SEM1: variants seen among roughly 807,000 people sequenced by gnomAD.
SEM1 encodes 26S proteasome complex subunit SEM1.
In SEM1, 3 loss-of-function variants were observed where a neutral mutation model predicts 12.7. The observed-to-expected ratio is 0.24, with a 90% CI of 0.11 to 0.61. SEM1 has a LOEUF of 0.61. Among genes scored for constraint, SEM1 ranks in the 20% least tolerant of loss-of-function variants. SEM1 has a pLI of 0.88. For missense variants in SEM1, 59 were observed against 81.3 expected, an observed-to-expected ratio of 0.73 and a Z score of 1.06; for synonymous variants, 30 against 27.8, an observed-to-expected ratio of 1.08 and a Z score of -0.25.
chr7:96,631,953 A>G (rs1434856021), intron 2 of SEM1, among the ~76,000 whole-genome samples: 8 of 152,256 alleles, frequency 5.3e-5, no homozygotes. Flanking sequence ...ATATGAAAAA[A>G]TGCTCATCAT....
intron 2 of SEM1, among the ~76,000 whole-genome samples, chr7:96,624,404 G>A (rs1398341951): frequency 2.0e-5 from 3 of 152,188 alleles, no homozygotes; most frequent in Non-Finnish European, 4.4e-5. Flanking sequence ...CTCTTTTAGT[G>A]TAGTGGGTCA....
chr7:96,604,591 G>A (rs745591490), intron 2 of SEM1, among the ~76,000 whole-genome samples: 3 of 151,996 alleles, frequency 2.0e-5, no homozygotes, highest in African/African-American at 4.8e-5. Context: ...GTCATCTAGT[G>A]TATGGTGAAT....
chr7:96,637,633 A>T (rs1808469001), intron 2 of SEM1, among the ~76,000 whole-genome samples: 1 of 151,904 alleles, frequency 6.6e-6, no homozygotes. Flanking sequence ...GGCCCAGTTC[A>T]CTCTCAGTTT....
In SEM1 at chr7:96,573,588, A is replaced by T. The variant is rs181008191; in HGVS notation, c.171-66890T>A. Among the ~76,000 whole-genome samples the T allele has an allele frequency of 3.9e-3, 594 of 152,224 alleles. 3 individuals are homozygous for T. The highest frequency in any genetic ancestry group is 0.014 in the African/African-American group (562 of 41,546). ...ATTCTTTTCTTTAAGAATGTTGAAT[A>T]TTGGCCCCCCTCTCTTCTACCTTTT... On this transcript the variant is annotated intron_variant and NMD_transcript_variant, in intron 2 of 3. Coordinates refer to the SEM1 transcript ENST00000466986.
chr7:96,602,417 C>T (rs1277883417), intron 2 of SEM1, among the ~76,000 whole-genome samples: 8 of 152,162 alleles, frequency 5.3e-5, no homozygotes, highest in Admixed American at 5.2e-4. Context: ...CCCTGTACTA[C>T]CTCCACCCTC....
At chr7:96,596,824 C>T (rs952916349) in intron 2 of SEM1, among the ~76,000 whole-genome samples, 13 of 152,098 alleles carry the variant, frequency 8.5e-5, no homozygotes, top group African/African-American at 2.4e-4. Context: ...ATTTTTTAGC[C>T]ATCTGCTGAA....
intron 2 of SEM1, among the ~76,000 whole-genome samples, chr7:96,632,979 T>G (rs994292409): frequency 1.3e-5 from 2 of 151,754 alleles, no homozygotes; most frequent in Non-Finnish European, 2.9e-5. Context: ...TGGTGTAGAG[T>G]TTTTTTAATT....
chr7:96,482,659 T>C (rs1378842010), exon 4 of SEM1: 1 of 152,176 alleles, frequency 6.6e-6, no homozygotes, highest in Admixed American at 6.5e-5. Flanking sequence ...TCTTTAAACT[T>C]GGGGGCAAAT....
Position 96,649,828 on chromosome 7 carries a change from A to C in SEM1, c.171-27185T>G, listed in dbSNP as rs980605545. 7 of 152,184 alleles carry C rather than the reference A, an allele frequency of 4.6e-5. No individual in the cohort carries two copies. In the East Asian group the frequency reaches 1.3e-3, roughly 29 times the overall value. The allele number at this position is 152,184 out of a possible 1,614,324, so 9.4% of individuals were successfully genotyped here. The stretch of plus-strand genomic sequence containing the variant: ...ATAAATATTATTATTTCCCATTTTT[A>C]GATGAGGAAACCAAGAGTGAGAGAG... On this transcript the variant is annotated intron_variant, in intron 2 of 2. Transcript: ENST00000417009.
chr7:96,549,647 A>G (rs1414658423), intron 2 of SEM1, among the ~76,000 whole-genome samples: 2 of 152,234 alleles, frequency 1.3e-5, no homozygotes, highest in South Asian at 2.1e-4. Context: ...ACACTGCTCT[A>G]GGACCTGAGC....
At chr7:96,502,540 C>T (rs1803601341) in intron 3 of SEM1, among the ~76,000 whole-genome samples, 1 of 152,088 alleles carries the variant, frequency 6.6e-6, no homozygotes, top group East Asian at 1.9e-4. Context: ...GTAATGACAC[C>T]TATCTCACTA....
At chr7:96,680,800 C>T (rs17167699) in intron 2 of SEM1, among the ~76,000 whole-genome samples, 20,639 of 152,026 alleles carry the variant, frequency 0.14, 2,399 homozygotes, top group African/African-American at 0.32. Flanking sequence ...ACCCATCAAC[C>T]CTCAAGGCAA....
intron 2 of SEM1, among the ~76,000 whole-genome samples, chr7:96,526,409 A>G (rs2115680289): frequency 6.6e-6 from 1 of 152,186 alleles, no homozygotes; most frequent in Non-Finnish European, 1.5e-5. Context: ...CTTATTCCCA[A>G]CTACCAGTAC....
At chr7:96,644,969 T>C (rs1040898423) in intron 2 of SEM1, among the ~76,000 whole-genome samples, 1 of 152,144 alleles carries the variant, frequency 6.6e-6, no homozygotes, top group African/African-American at 2.4e-5. Context: ...TTATCTTATA[T>C]TGAGGTTTTT....
At chr7:96,483,920 C>A in exon 4 of SEM1, 2 of 1,536,512 alleles carry the variant, frequency 1.3e-6, no homozygotes, top group Admixed American at 2.0e-5. Context: ...GCCAGGCAGG[C>A]AAGAACAATC....
At chr7:96,655,442 C>CTTTTTTTTTTT (rs72335497) in intron 2 of SEM1, among the ~76,000 whole-genome samples, 1 of 137,698 alleles carries the variant, frequency 7.3e-6, no homozygotes, top group Non-Finnish European at 1.6e-5. Context: ...ATGCAAATAC[C>CTTTTTTTTTTT]TTTTTTTTTT....
chr7:96,569,873 T>C (rs1263420245), intron 2 of SEM1, among the ~76,000 whole-genome samples: 1 of 152,134 alleles, frequency 6.6e-6, no homozygotes, highest in Non-Finnish European at 1.5e-5. Context: ...ATGATTCTTT[T>C]TTATGGCTCG....
intron 2 of SEM1, chr7:96,650,595 G>A: frequency 1.4e-6 from 1 of 697,298 alleles, no homozygotes. Flanking sequence ...CAACACTGTA[G>A]GTCCCTAAAA....
At chr7:96,676,401 T>TA (rs1293391170) in intron 2 of SEM1, among the ~76,000 whole-genome samples, 3 of 152,322 alleles carry the variant, frequency 2.0e-5, no homozygotes, top group African/African-American at 7.2e-5. Context: ...TTCATCCTCC[T>TA]ATGATAAGGC....
Sources: allele counts gnomAD v4.1 joint callset (sites outside exome capture counted in the v4.1 genomes callset), GRCh38; gene constraint gnomAD v4.1.1; transcripts MANE v1.5; gene names NCBI Gene and HGNC (gene_info 2026-07-23, HGNC 2026-07-21).